Variants in NFKBIZ observed in about 807,000 individuals in gnomAD.
NFKBIZ encodes the protein NFKB inhibitor zeta.
NFKBIZ carries 19 observed loss-of-function variants against 76.8 expected under a neutral mutation model. The observed-to-expected ratio is 0.25, with a 90% CI of 0.17 to 0.36. The LOEUF (loss-of-function observed/expected upper bound fraction) is 0.36. NFKBIZ is among the 10% of genes least tolerant of loss of function. NFKBIZ has a pLI of 1.00. For missense variants in NFKBIZ, 829 were observed against 910.9 expected, an observed-to-expected ratio of 0.91 and a Z score of 1.16; for synonymous variants, 368 against 354.8, an observed-to-expected ratio of 1.04 and a Z score of -0.42.
rs752947206 is a variant in NFKBIZ at position 101,855,053 on chromosome 3, T to C, written c.1444-9T>C. ...TTTAAAATATCTTTTTTCCTCTGGA[T>C]ATCCACAGAGTGCCTTTCAGGTGGC... On this transcript the variant is annotated splice_polypyrimidine_tract_variant and intron_variant, in intron 6 of 11. Coordinates refer to ENST00000326172, the MANE Select transcript of NFKBIZ (RefSeq NM_031419.4). 6 of 1,592,352 alleles carry C rather than the reference T, an allele frequency of 3.8e-6. No individual in the cohort carries two copies. The Admixed American group carries it at 1.1e-4, about 30-fold the overall frequency.
chr3:101,858,254 A>G, intron 11 of NFKBIZ: 2 of 978,528 alleles, frequency 2.0e-6, no homozygotes, highest in Non-Finnish European at 1.2e-6. Context: ...TATGACCATA[A>G]TGTTATAGTA....
At chr3:101,832,339 A>AT (rs1942657962) in intron 2 of NFKBIZ, among the ~76,000 whole-genome samples, 2 of 152,182 alleles carry the variant, frequency 1.3e-5, no homozygotes, top group African/African-American at 4.8e-5. Context: ...CATCTTATCC[A>AT]TTTTTAAGTG....
At position 101,855,275 on chromosome 3, in the gene NFKBIZ, C is replaced by T. The variant is rs545918847; in HGVS notation, c.1590+67C>T. On this transcript the variant is annotated intron_variant, in intron 7 of 11. Coordinates refer to ENST00000326172, the MANE Select transcript of NFKBIZ (RefSeq NM_031419.4). The stretch of plus-strand genomic sequence containing the variant: ...AGAGATAGAGTTGGATATTAGAAGT[C>T]GGATATAGGTTGCCTGTTGCAATGA... 145 of 1,598,146 alleles carry T rather than the reference C, an allele frequency of 9.1e-5. No homozygotes were observed. The African/African-American group carries it at 1.2e-3, about 13-fold the overall frequency.
At position 101,859,306 on chromosome 3, in the gene NFKBIZ, T is replaced by C; in HGVS notation, c.2104-12T>C. On this transcript the variant is annotated splice_polypyrimidine_tract_variant and intron_variant, in intron 11 of 11. Transcript: ENST00000326172. ...AAATAAACCTCACAAATTTTATTTGTTTCTCTTCCAGATCCGACGTATCCT... is the reference window on the plus strand; with the variant it reads ...AAATAAACCTCACAAATTTTATTTGCTTCTCTTCCAGATCCGACGTATCCT... The C allele has an allele frequency of 6.2e-7, 1 of 1,612,628 alleles. No homozygotes were observed. The highest frequency in any genetic ancestry group is 8.5e-7 in the Non-Finnish European group (1 of 1,178,796).
chr3:101,850,149 A>G (rs1300995273), intron 1 of NFKBIZ: 4 of 410,378 alleles, frequency 9.7e-6, no homozygotes, highest in African/African-American at 2.1e-5. Context: ...GGGGGGCTTC[A>G]GAAACCGCTC....
chr3:101,853,149 C>T lies in NFKBIZ; in HGVS notation c.623C>T (p.Pro208Leu). The stretch of plus-strand genomic sequence containing the variant: ...ATGGAAGATGTTCATCTCAATGAAC[C>T]CAAACAGGAGAGCAGTGCTGATCTG... Reference protein sequence around the residue: ...ESMEDVHLNEPKQESSADLLQ... With the variant: ...ESMEDVHLNELKQESSADLLQ... The change falls in exon 5 of 12, where the codon CCC becomes CTC. Residue 208 changes from proline (P) to leucine (L), a missense_variant. Physicochemically the swap from Pro to Leu is moderately conservative, Grantham distance 98. This residue lies in a region of NFKBIZ where 371 missense variants were observed against 332.3 expected (regional missense o/e 1.12). Transcript: ENST00000326172. 6.2e-7 allele frequency: 1 copy of T among 1,614,014 alleles called. No individual in the cohort carries two copies. The highest frequency in any genetic ancestry group is 8.5e-7 in the Non-Finnish European group (1 of 1,179,994).
chr3:101,851,444 T>G (rs1349076353), intron 1 of NFKBIZ, among the ~76,000 whole-genome samples: 2 of 152,240 alleles, frequency 1.3e-5, no homozygotes. Flanking sequence ...GCTCAGTGAA[T>G]TTAAGCAGCT....
At chr3:101,857,043 T>A (rs1943059083) in intron 9 of NFKBIZ, 30 bp from the exon 10 acceptor site, 1 of 1,492,904 alleles carries the variant, frequency 6.7e-7, no homozygotes. Flanking sequence ...ATTTTTTTTT[T>A]TTTTTTTCCT....
chr3:101,855,917 A>G lies in NFKBIZ; in HGVS notation c.1824+15A>G, dbSNP rs762657614. The G allele has an allele frequency of 6.9e-6, 11 of 1,595,752 alleles. No individual in the cohort carries two copies. The South Asian group carries it at 1.0e-4, about 15-fold the overall frequency. ...TGGAAGCGAAGGTAAATTCACAGAA[A>G]AGGTTTAAGATGGGGTAGGGGAGAA... On this transcript the variant is annotated intron_variant, in intron 9 of 11. Coordinates refer to ENST00000326172, the MANE Select transcript of NFKBIZ (RefSeq NM_031419.4).
rs756161368 is a variant in NFKBIZ at position 101,852,897 on chromosome 3, A to G, written c.472A>G (p.Thr158Ala). 9 of 1,613,926 alleles carry G rather than the reference A, an allele frequency of 5.6e-6. No individual in the cohort carries two copies. In the Admixed American group the frequency reaches 1.5e-4, roughly 27 times the overall value. ...NIEQFRELKN[T>A]VSYSGKRKGP... ...TCCTTTGGGTACAGAATTGAAGAACACAGTATCATACAGTGGGAAAAGGAA... is the reference window on the plus strand; with the variant it reads ...TCCTTTGGGTACAGAATTGAAGAACGCAGTATCATACAGTGGGAAAAGGAA... Residue 158 changes from threonine (T) to alanine (A), a missense_variant, in exon 4 of 12, where the codon ACA becomes GCA. Transcript: ENST00000326172.
intron 6 of NFKBIZ, 60 bp from the exon 7 acceptor site, chr3:101,855,002 A>G: frequency 6.6e-7 from 1 of 1,510,244 alleles, no homozygotes; most frequent in South Asian, 1.3e-5. Flanking sequence ...TTAGTTTCAT[A>G]TTCCTTGTTA....
Position 101,860,937 on chromosome 3 carries a change from C to T in NFKBIZ, c.*1566C>T, listed in dbSNP as rs1943125921. 6.6e-6 allele frequency: 1 copy of T among 152,022 alleles called. No individual in the cohort carries two copies. The highest frequency in any genetic ancestry group is 6.6e-5 in the Admixed American group (1 of 15,264). The allele number at this position is 152,022 out of a possible 1,614,324, so 9.4% of individuals were successfully genotyped here. Reference sequence around the variant, plus strand: ...CTTGTAGACACGTTAGTTATAATCACCTTGTATCTCTAAATATGGTGTGAT... The same window carrying T: ...CTTGTAGACACGTTAGTTATAATCATCTTGTATCTCTAAATATGGTGTGAT... On this transcript the variant is annotated 3_prime_UTR_variant, in exon 12 of 12. Coordinates refer to ENST00000326172, the MANE Select transcript of NFKBIZ (RefSeq NM_031419.4).
At position 101,857,079 on chromosome 3, in the gene NFKBIZ, A is replaced by G; in HGVS notation, c.1831A>G (p.Lys611Glu). 1 of 1,607,918 alleles carries G rather than the reference A, an allele frequency of 6.2e-7. No individual in the cohort carries two copies. The highest frequency in any genetic ancestry group is 1.1e-5 in the South Asian group (1 of 90,178). Residue 611 changes from lysine to glutamate, a missense_variant, in exon 10 of 12, where the codon AAA becomes GAA. This residue lies in a region of NFKBIZ where 272 missense variants were observed against 384.2 expected (regional missense o/e 0.71). Transcript: ENST00000326172. ...MGAAVEAKDR[K>E]SGRTALHLAA... Reference sequence around the variant, plus strand: ...CCCTCTTGCCTTTGACAAGGATCGCAAAAGTGGCCGCACAGCCCTGCATTT... The same window carrying G: ...CCCTCTTGCCTTTGACAAGGATCGCGAAAGTGGCCGCACAGCCCTGCATTT...
intron 7 of NFKBIZ, 50 bp downstream of exon 7, chr3:101,855,258 A>C (rs1162937116): frequency 1.2e-6 from 2 of 1,600,352 alleles, no homozygotes; most frequent in African/African-American, 1.3e-5. Flanking sequence ...AGAGAGATAG[A>C]GTTGGATATT....
intron 2 of NFKBIZ, among the ~76,000 whole-genome samples, chr3:101,842,404 G>A (rs913989743): frequency 4.6e-5 from 7 of 152,172 alleles, no homozygotes; most frequent in Non-Finnish European, 1.0e-4. Flanking sequence ...CATGCTAAAA[G>A]CAGTAGAGAG....
chr3:101,835,664 C>T (rs1942710094), intron 2 of NFKBIZ, among the ~76,000 whole-genome samples: 1 of 152,178 alleles, frequency 6.6e-6, no homozygotes, highest in East Asian at 1.9e-4. Context: ...TAGATGAGGA[C>T]TCACCCCGAC....
In NFKBIZ at chr3:101,852,925, G is replaced by A. The variant is rs1942990628; in HGVS notation, c.500G>A (p.Gly167Glu). The change falls in exon 4 of 12, where the codon GGG becomes GAG. Residue 167 changes from glycine (G) to glutamate (E), a missense_variant. Gly to Glu is a moderately conservative substitution (Grantham distance 98). This residue lies in a region of NFKBIZ where 371 missense variants were observed against 332.3 expected (regional missense o/e 1.12). Transcript: ENST00000326172. ...NTVSYSGKRK[G>E]PDSLSDGPAC... ...GTATCATACAGTGGGAAAAGGAAAG[G>A]GCCCGATTCGTTGTCTGATGGACCT... The A allele has an allele frequency of 6.2e-7, 1 of 1,614,148 alleles. No homozygotes were observed. Among genetic ancestry groups the A allele is most frequent in the Non-Finnish European group, 8.5e-7 (1 of 1,180,030 alleles).
In NFKBIZ at chr3:101,853,276, C is replaced by G. The variant is rs777772259; in HGVS notation, c.750C>G (p.Pro250=). 2 of 1,614,140 alleles carry G rather than the reference C, an allele frequency of 1.2e-6. No individual in the cohort carries two copies. The highest frequency in any genetic ancestry group is 1.1e-5 in the South Asian group (1 of 91,082). ...LNPVVVPQSS[P]AEQCQDFHGG... ...CCGTGGTGGTCCCTCAGAGCTCCCC[C>G]GCAGAGCAGTGTCAGGACTTCCATG... The change falls in exon 5 of 12, where the codon CCC becomes CCG. Residue 250 remains proline, a synonymous_variant. Coordinates refer to ENST00000326172, the MANE Select transcript of NFKBIZ (RefSeq NM_031419.4).
At chr3:101,851,495 A>G (rs542979839) in intron 1 of NFKBIZ, among the ~76,000 whole-genome samples, 1 of 152,234 alleles carries the variant, frequency 6.6e-6, no homozygotes, top group Non-Finnish European at 1.5e-5. Flanking sequence ...TAAGACATAA[A>G]TCTAAGACGT....
Sources: gnomAD v4.1 joint callset for allele counts (sites outside exome capture counted in the v4.1 genomes callset) on GRCh38, gnomAD v4.1.1 for gene constraint, gnomAD v4.1.1 regional missense constraint, MANE v1.5 for transcripts, NCBI Gene and HGNC (gene_info 2026-07-23, HGNC 2026-07-21) for gene names.